Variants in LAMA2 observed in about 807,000 individuals in gnomAD.
The protein encoded by LAMA2 is laminin subunit alpha 2.
LAMA2 carries 269 observed loss-of-function variants against 364.8 expected under a neutral mutation model. The observed-to-expected ratio is 0.74, with a 90% CI of 0.67 to 0.82. The LOEUF (loss-of-function observed/expected upper bound fraction) is 0.82, where lower values mean the gene tolerates loss of function less well. LAMA2 is among the 40% of genes least tolerant of loss of function. The probability of loss-of-function intolerance (pLI) is 0.00; values close to 1 mark genes in which losing one functional copy is unlikely to be tolerated. For synonymous variants in LAMA2, 1,379 were observed against 1,370.6 expected (o/e 1.01, Z -0.14); for missense variants, 3,807 against 3,873.2 (o/e 0.98, Z 0.45).
intron 22 of LAMA2, among the ~76,000 whole-genome samples, chr6:129,305,111 G>A (rs1773785598): frequency 6.6e-6 from 1 of 152,130 alleles, no homozygotes; most frequent in Non-Finnish European, 1.5e-5. Context: ...CTAGGTGCAT[G>A]AACATTTAGG....
intron 21 of LAMA2, 40 bp downstream of exon 21, chr6:129,297,905 T>C: frequency 6.4e-7 from 1 of 1,550,478 alleles, no homozygotes; most frequent in East Asian, 2.2e-5. Context: ...TTCACTCTGA[T>C]AGTTTTAGGG....
intron 12 of LAMA2, among the ~76,000 whole-genome samples, chr6:129,205,008 A>G (rs923921637): frequency 6.6e-6 from 1 of 152,174 alleles, no homozygotes; most frequent in East Asian, 1.9e-4. Flanking sequence ...CCAAATGAAT[A>G]ACACATGCCA....
rs2114761217 is a variant in LAMA2 at position 129,438,740 on chromosome 6, A to G, written c.6063A>G (p.Gly2021=). Residue 2021 remains glycine, a synonymous_variant, in exon 42 of 65, where the codon GGA becomes GGG. Transcript: ENST00000421865. ...DLLRTLNDTL[G]KLSAIPNDTA... ...TGAGAACTTTGAATGACACTTTGGG[A>G]AAGTTATCAGCTATTCCAAATGGTA... is the stretch of plus-strand genomic sequence containing the variant. The G allele has an allele frequency of 6.3e-7, 1 of 1,583,490 alleles. No homozygotes were observed. The highest frequency in any genetic ancestry group is 8.7e-7 in the Non-Finnish European group (1 of 1,152,524).
At chr6:129,255,151 T>TA (rs1786553617) in intron 14 of LAMA2, among the ~76,000 whole-genome samples, 1 of 151,908 alleles carries the variant, frequency 6.6e-6, no homozygotes, top group Non-Finnish European at 1.5e-5. Context: ...CTCATGCCTG[T>TA]AATCCCAGCA....
At chr6:129,213,348 A>G (rs1783219402) in intron 12 of LAMA2, among the ~76,000 whole-genome samples, 1 of 152,228 alleles carries the variant, frequency 6.6e-6, no homozygotes, top group African/African-American at 2.4e-5. Flanking sequence ...CTTATGTGAT[A>G]AGTCTTGTGT....
intron 1 of LAMA2, among the ~76,000 whole-genome samples, chr6:128,989,710 G>C (rs760347769): frequency 6.6e-6 from 1 of 152,150 alleles, no homozygotes; most frequent in Non-Finnish European, 1.5e-5. Flanking sequence ...ATAGAACTAA[G>C]AATAGTTATA....
At chr6:129,468,084 C>T (rs1438974568) in intron 51 of LAMA2, among the ~76,000 whole-genome samples, 2 of 151,832 alleles carry the variant, frequency 1.3e-5, no homozygotes, top group Admixed American at 6.6e-5. Flanking sequence ...TGACTCTAGA[C>T]TCACATTGCT....
chr6:129,253,310 A>C (rs1786399865), intron 14 of LAMA2, among the ~76,000 whole-genome samples: 1 of 152,168 alleles, frequency 6.6e-6, no homozygotes, highest in Non-Finnish European at 1.5e-5. Flanking sequence ...GTATACCTTT[A>C]ATGAAAGCAA....
intron 12 of LAMA2, among the ~76,000 whole-genome samples, chr6:129,209,648 A>T (rs1418354221): frequency 6.6e-6 from 1 of 152,186 alleles, no homozygotes; most frequent in Non-Finnish European, 1.5e-5. Flanking sequence ...TATTGCTATG[A>T]AAGTCTCTCA....
chr6:129,119,267 CA>C (rs1181872105), intron 4 of LAMA2, among the ~76,000 whole-genome samples: 2 of 152,092 alleles, frequency 1.3e-5, no homozygotes, highest in Non-Finnish European at 2.9e-5. Flanking sequence ...AAATGTTGTA[CA>C]TTTTTTTAAT....
intron 56 of LAMA2, among the ~76,000 whole-genome samples, chr6:129,487,733 T>C (rs1784661764): frequency 6.6e-6 from 1 of 152,180 alleles, no homozygotes; most frequent in Non-Finnish European, 1.5e-5. Flanking sequence ...AGGATTAGGC[T>C]GTAGGATGAA....
At chr6:129,192,646 T>C in intron 11 of LAMA2, 34 bp from the exon 12 acceptor site, 1 of 1,600,442 alleles carries the variant, frequency 6.2e-7, no homozygotes, top group Non-Finnish European at 8.6e-7. Context: ...AGATATTTTT[T>C]AAAAATTAAT....
At chr6:129,270,866 T>C in intron 17 of LAMA2, 115 bp downstream of exon 17, 1 of 1,133,962 alleles carries the variant, frequency 8.8e-7, no homozygotes, top group Non-Finnish European at 1.3e-6. Context: ...AACACAGACA[T>C]GAATTTTTTC....
intron 1 of LAMA2, among the ~76,000 whole-genome samples, chr6:129,008,191 T>C (rs1032402696): frequency 6.6e-6 from 1 of 152,182 alleles, no homozygotes; most frequent in South Asian, 2.1e-4. Context: ...CAGAGGCTGG[T>C]ATTAATCTTT....
intron 1 of LAMA2, among the ~76,000 whole-genome samples, chr6:128,987,946 C>A (rs1310297399): frequency 2.0e-5 from 3 of 152,178 alleles, no homozygotes; most frequent in East Asian, 3.9e-4. Flanking sequence ...GAGATCTCTG[C>A]TCACTGCAAC....
At chr6:129,023,989 G>T (rs1430181474) in intron 1 of LAMA2, among the ~76,000 whole-genome samples, 1 of 152,140 alleles carries the variant, frequency 6.6e-6, no homozygotes, top group Non-Finnish European at 1.5e-5. Context: ...TAGACTGAAT[G>T]CTCCTAAGCT....
chr6:129,411,197 A>G (rs1434908936), intron 40 of LAMA2, among the ~76,000 whole-genome samples: 1 of 152,218 alleles, frequency 6.6e-6, no homozygotes, highest in South Asian at 2.1e-4. Flanking sequence ...ACTCCAGTGC[A>G]CAATGTGGTC....
intron 29 of LAMA2, among the ~76,000 whole-genome samples, chr6:129,334,563 TA>T (rs1175525141): frequency 2.0e-5 from 3 of 152,014 alleles, no homozygotes; most frequent in East Asian, 1.9e-4. Context: ...AAAAAATAAG[TA>T]AAAAAAATTC....
chr6:129,404,069 AT>A, intron 40 of LAMA2, 110 bp downstream of exon 40: 2 of 1,180,760 alleles, frequency 1.7e-6, no homozygotes, highest in Non-Finnish European at 2.4e-6. Flanking sequence ...GTTTTGGGTT[AT>A]TTTTGAAGAC....
Sources: allele counts gnomAD v4.1 joint callset (sites outside exome capture counted in the v4.1 genomes callset), GRCh38; gene constraint gnomAD v4.1.1; transcripts MANE v1.5; gene names NCBI Gene and HGNC (gene_info 2026-07-23, HGNC 2026-07-21).